The following UTP25 variants were observed in gnomAD, a reference collection of about 807,000 sequenced individuals.
UTP25 encodes the protein UTP25 small subunit processome component.
In UTP25, 50 loss-of-function variants were observed where a neutral mutation model predicts 78.9. That is an observed-to-expected ratio of 0.63 (90% CI 0.50 to 0.80). UTP25 has a LOEUF of 0.80. UTP25 is among the 30% of genes least tolerant of loss of function. The pLI, the probability that UTP25 is intolerant of heterozygous loss-of-function variation, is 0.00. For synonymous variants in UTP25, 329 were observed against 336.5 expected, an observed-to-expected ratio of 0.98 and a Z score of 0.24; for missense variants, 846 against 911.3, an observed-to-expected ratio of 0.93 and a Z score of 0.92.
intron 6 of UTP25, among the ~76,000 whole-genome samples, chr1:209,837,860 T>C (rs1431951986): frequency 6.6e-6 from 1 of 152,244 alleles, no homozygotes; most frequent in Non-Finnish European, 1.5e-5. Context: ...CTTGTCCCCC[T>C]GCCCTGAACT....
At position 209,833,249 on chromosome 1, in the gene UTP25, A is replaced by G; in HGVS notation, c.453A>G (p.Gln151=). The change falls in exon 4 of 12, where the codon CAA becomes CAG. Residue 151 remains glutamine, a synonymous_variant. Transcript: ENST00000491415. ...GGGAAGAGCCACCGGGCACATCACA[A>G]ACATCCCCCGAAGAGTTCACAGATG... ...EDGEEPPGTS[Q]TSPEEFTDAK... 1.9e-6 allele frequency: 3 copies of G among 1,613,994 alleles called. No homozygotes were observed. Among genetic ancestry groups the G allele is most frequent in the South Asian group, 1.1e-5 (1 of 91,074 alleles).
At chr1:209,844,804 T>C (rs1322521244) in intron 11 of UTP25, among the ~76,000 whole-genome samples, 1 of 152,228 alleles carries the variant, frequency 6.6e-6, no homozygotes, top group Non-Finnish European at 1.5e-5. Context: ...ATTTTTTAGA[T>C]TTTTATTTTC....
At chr1:209,829,244 G>A (rs913906700) in intron 1 of UTP25, among the ~76,000 whole-genome samples, 8 of 152,208 alleles carry the variant, frequency 5.3e-5, no homozygotes, top group South Asian at 4.1e-4. Context: ...TTGAAAATCC[G>A]CTCTTCTAGC....
chr1:209,856,215 ACTG>A lies in UTP25; in HGVS notation c.*4771_*4773del, dbSNP rs1369605125. On this transcript the variant is annotated 3_prime_UTR_variant, in exon 12 of 12. Coordinates refer to ENST00000491415, the MANE Select transcript of UTP25 (RefSeq NM_014388.7). ...GAGGGACTGTGTGAGAAGGGAAGAGACTGCTATTGTTTGCCCTATATCCACCTA... is the reference window on the plus strand; with the variant it reads ...GAGGGACTGTGTGAGAAGGGAAGAGACTATTGTTTGCCCTATATCCACCTA... 2 of 152,216 alleles carry A rather than the reference ACTG, an allele frequency of 1.3e-5. No homozygotes were observed. The highest frequency in any genetic ancestry group is 1.3e-4 in the Admixed American group (2 of 15,282). The allele number at this position is 152,216 out of a possible 1,614,324, so 9.4% of individuals were successfully genotyped here. A position where few individuals can be genotyped will look rare whatever the true frequency, so the allele number is the denominator to read the frequency against.
At chr1:209,834,038 A>C (rs1207745265) in intron 4 of UTP25, among the ~76,000 whole-genome samples, 1 of 152,162 alleles carries the variant, frequency 6.6e-6, no homozygotes, top group Non-Finnish European at 1.5e-5. Context: ...CAGAAATTTT[A>C]ATCCTCATTT....
chr1:209,841,865 A>G (rs1033258504), intron 8 of UTP25, among the ~76,000 whole-genome samples: 1 of 152,242 alleles, frequency 6.6e-6, no homozygotes, highest in Non-Finnish European at 1.5e-5. Flanking sequence ...TGAGGAAAAG[A>G]CAGGGTGACA....
chr1:209,842,365 G>A lies in UTP25; in HGVS notation c.1586G>A (p.Arg529His), dbSNP rs751251891. 78 of 1,614,078 alleles carry A rather than the reference G, an allele frequency of 4.8e-5. No individual in the cohort carries two copies. Among genetic ancestry groups the A allele is most frequent in the South Asian group, 1.2e-4 (11 of 91,078 alleles). The change falls in exon 9 of 12, where the codon CGC becomes CAC. Residue 529 changes from arginine to histidine, a missense_variant. Transcript: ENST00000491415. Reference protein sequence around the residue: ...WSLNNWSKYYRQTLLFGALQD... With the variant: ...WSLNNWSKYYHQTLLFGALQD... ...CTCAATAATTGGTCCAAGTACTATCGCCAGACACTGCTATTTGGGGCCCTT... is the reference window on the plus strand; with the variant it reads ...CTCAATAATTGGTCCAAGTACTATCACCAGACACTGCTATTTGGGGCCCTT...
At chr1:209,838,810 T>C (rs770030646) in intron 6 of UTP25, 99 bp from the exon 7 acceptor site, 2 of 1,339,810 alleles carry the variant, frequency 1.5e-6, no homozygotes, top group Admixed American at 1.7e-5. Context: ...GGGCCACTGC[T>C]CTACATGGAG....
chr1:209,845,245 C>T (rs896955258), intron 11 of UTP25, among the ~76,000 whole-genome samples: 4 of 152,190 alleles, frequency 2.6e-5, no homozygotes, highest in African/African-American at 9.7e-5. Context: ...GAGAAGGCTG[C>T]TTGGCCAAAG....
chr1:209,830,500 TAAA>T (rs5780540), intron 2 of UTP25, among the ~76,000 whole-genome samples: 77 of 141,104 alleles, frequency 5.5e-4, no homozygotes, highest in African/African-American at 1.9e-3. Flanking sequence ...TACAACAAAC[TAAA>T]AAAAAAAAAA....
intron 11 of UTP25, among the ~76,000 whole-genome samples, chr1:209,848,270 G>A (rs896846348): frequency 2.0e-5 from 3 of 152,108 alleles, no homozygotes; most frequent in Non-Finnish European, 2.9e-5. Flanking sequence ...GGAATATTAC[G>A]TACTTTCTAC....
At chr1:209,837,294 T>C (rs1210897467) in intron 6 of UTP25, 83 bp downstream of exon 6, 1 of 1,461,270 alleles carries the variant, frequency 6.8e-7, no homozygotes, top group African/African-American at 1.4e-5. Context: ...AGCAGGAACT[T>C]GGGTATTTTA....
intron 11 of UTP25, among the ~76,000 whole-genome samples, chr1:209,844,999 A>G (rs573572821): frequency 6.6e-6 from 1 of 152,376 alleles, no homozygotes; most frequent in South Asian, 2.1e-4. Context: ...CAGATACGCC[A>G]GAAATCTCCC....
intron 6 of UTP25, among the ~76,000 whole-genome samples, chr1:209,838,114 G>A (rs1162627685): frequency 6.6e-6 from 1 of 152,172 alleles, no homozygotes; most frequent in Admixed American, 6.5e-5. Context: ...ACTCCTTGGG[G>A]CTTGAACATC....
chr1:209,835,338 A>AT (rs2102570988), intron 5 of UTP25, among the ~76,000 whole-genome samples, 175 bp downstream of exon 5: 1 of 152,330 alleles, frequency 6.6e-6, no homozygotes, highest in South Asian at 2.1e-4. Context: ...TTGTAGCTAG[A>AT]AAACGCACCA....
At position 209,840,946 on chromosome 1, in the gene UTP25, T is replaced by C. The variant is rs1029743857; in HGVS notation, c.1376T>C (p.Ile459Thr). Residue 459 changes from isoleucine to threonine, a missense_variant, in exon 8 of 12, where the codon ATT becomes ACT. By Grantham distance (89) the Ile-to-Thr change is moderately conservative. Transcript: ENST00000491415. Reference protein sequence around the residue: ...IASPLGLRTIIGGEGEKKRDF... With the variant: ...IASPLGLRTITGGEGEKKRDF... The stretch of plus-strand genomic sequence containing the variant: ...TCCCCCCTGGGCTTGAGGACCATCA[T>C]TGGTGGAGAAGGAGAGAAGAAGAGA... The C allele has an allele frequency of 2.5e-6, 4 of 1,614,088 alleles. No individual in the cohort carries two copies. Among genetic ancestry groups the C allele is most frequent in the Non-Finnish European group, 3.4e-6 (4 of 1,179,972 alleles).
rs1428960388 is a variant in UTP25, at chr1:209,842,579, G to C, written c.1669-4G>C. On this transcript the variant is annotated splice_region_variant and splice_polypyrimidine_tract_variant and intron_variant, in intron 9 of 11. Transcript: ENST00000491415. ...CACCTAACGCTCTTGTTGACTACTG[G>C]CAGGTGGCCGTGAGGAATGTCCCAA... 1 of 1,613,686 alleles carries C rather than the reference G, an allele frequency of 6.2e-7. No individual in the cohort carries two copies. The highest frequency in any genetic ancestry group is 8.5e-7 in the Non-Finnish European group (1 of 1,179,744).
At chr1:209,835,888 C>T (rs1379228461) in intron 5 of UTP25, among the ~76,000 whole-genome samples, 1 of 152,170 alleles carries the variant, frequency 6.6e-6, no homozygotes, top group African/African-American at 2.4e-5. Context: ...TGGTTTTACT[C>T]CTGTTCAACT....
intron 11 of UTP25, among the ~76,000 whole-genome samples, chr1:209,845,725 T>C (rs1266979035): frequency 6.6e-6 from 1 of 152,142 alleles, no homozygotes; most frequent in Admixed American, 6.6e-5. Flanking sequence ...GCTAATTATC[T>C]CAAGGTTTCC....
Sources: gnomAD v4.1 joint callset for allele counts (sites outside exome capture counted in the v4.1 genomes callset) on GRCh38, gnomAD v4.1.1 for gene constraint, MANE v1.5 for transcripts, NCBI Gene and HGNC (gene_info 2026-07-23, HGNC 2026-07-21) for gene names.